Variants in NBEA observed in about 807,000 individuals in gnomAD.
The protein encoded by NBEA is lysosomal-trafficking regulator 2.
Under a neutral mutation model 343.4 loss-of-function variants are expected in NBEA, and 44 were observed. The ratio of observed to expected loss-of-function variants is 0.13; its 90% CI spans 0.10 to 0.16. The LOEUF is 0.16. NBEA is among the 10% of genes least tolerant of loss of function. The probability of loss-of-function intolerance (pLI) is 1.00; values close to 1 mark genes in which losing one functional copy is unlikely to be tolerated. For synonymous variants in NBEA, 1,175 were observed against 1,238.7 expected (o/e 0.95, Z 1.08); for missense variants, 2,555 against 3,631.3 (o/e 0.70, Z 7.62).
chr13:35,536,443 C>G (rs1311816848), intron 41 of NBEA, among the ~76,000 whole-genome samples: 1 of 151,732 alleles, frequency 6.6e-6, no homozygotes, highest in Admixed American at 6.6e-5. Context: ...ATAGACTTTA[C>G]TTTTTTAGAA....
intron 48 of NBEA, among the ~76,000 whole-genome samples, chr13:35,625,151 C>G (rs1029025009): frequency 6.6e-6 from 1 of 152,100 alleles, no homozygotes; most frequent in Non-Finnish European, 1.5e-5. Flanking sequence ...ATATATTTAT[C>G]TCTATAATTC....
At chr13:35,233,444 G>C (rs1304232385) in intron 34 of NBEA, among the ~76,000 whole-genome samples, 1 of 152,086 alleles carries the variant, frequency 6.6e-6, no homozygotes, top group African/African-American at 2.4e-5. Context: ...CTCGGCATCT[G>C]GGAGCTGACT....
At chr13:35,535,625 A>G (rs533012381) in intron 41 of NBEA, among the ~76,000 whole-genome samples, 1 of 152,236 alleles carries the variant, frequency 6.6e-6, no homozygotes, top group Admixed American at 6.5e-5. Flanking sequence ...CCCACTTGAT[A>G]CTTGCTGTGT....
intron 34 of NBEA, among the ~76,000 whole-genome samples, chr13:35,275,864 G>T (rs917366254): frequency 3.3e-5 from 5 of 151,734 alleles, no homozygotes; most frequent in Non-Finnish European, 5.9e-5. Flanking sequence ...AACAGATCCT[G>T]GGGGGAGGGA....
At chr13:35,363,414 C>A (rs2040923292) in intron 38 of NBEA, among the ~76,000 whole-genome samples, 1 of 151,792 alleles carries the variant, frequency 6.6e-6, no homozygotes, top group South Asian at 2.1e-4. Context: ...AGTAAATGTA[C>A]CCTATCACTT....
chr13:34,958,331 A>G (rs1446832224), intron 1 of NBEA, among the ~76,000 whole-genome samples: 1 of 152,022 alleles, frequency 6.6e-6, no homozygotes, highest in Admixed American at 6.6e-5. Context: ...CTTGTCCTTT[A>G]TCTTTGGAGC....
At chr13:35,357,017 T>C in intron 38 of NBEA, among the ~76,000 whole-genome samples, 1 of 152,208 alleles carries the variant, frequency 6.6e-6, no homozygotes, top group Non-Finnish European at 1.5e-5. Flanking sequence ...TAACTATTTT[T>C]TTACCTGATA....
At chr13:35,016,644 CAG>C (rs2061670224) in intron 1 of NBEA, among the ~76,000 whole-genome samples, 2 of 151,532 alleles carry the variant, frequency 1.3e-5, no homozygotes, top group South Asian at 2.1e-4. Flanking sequence ...TAATTTGAGA[CAG>C]ATTGTATACA....
intron 25 of NBEA, among the ~76,000 whole-genome samples, chr13:35,170,282 C>T (rs1021124382): frequency 6.6e-6 from 1 of 151,770 alleles, no homozygotes. Context: ...ATACCTATTA[C>T]ATATGCTAAC....
intron 11 of NBEA, among the ~76,000 whole-genome samples, chr13:35,098,955 G>A (rs1217537250): frequency 6.6e-6 from 1 of 151,436 alleles, no homozygotes. Context: ...TCCACTAGGG[G>A]TCTTGGAACT....
At chr13:35,649,588 C>T in intron 51 of NBEA, 67 bp from the exon 52 acceptor site, 1 of 1,364,408 alleles carries the variant, frequency 7.3e-7, no homozygotes, top group Non-Finnish European at 1.0e-6. Context: ...CTCATTCTCC[C>T]TAGACCTTTC....
chr13:35,484,265 T>C (rs935442045), intron 41 of NBEA, among the ~76,000 whole-genome samples: 148 of 137,468 alleles, frequency 1.1e-3, no homozygotes, highest in African/African-American at 4.1e-3. Flanking sequence ...TGTGTGTGTG[T>C]GTGTGTGTGT....
Position 35,164,379 on chromosome 13 carries a change from AT to A in NBEA, c.4107del (p.Phe1369LeufsTer22). The A allele has an allele frequency of 6.3e-7, 1 of 1,584,676 alleles. No homozygotes were observed. Among genetic ancestry groups the A allele is most frequent in the South Asian group, 1.1e-5 (1 of 87,348 alleles). ...WRSHSTKSVM[D>X]FVNSNENIIF... ...AGCCATTCTACAAAGTCTGTAATGG[AT>A]TTTGTCAATAGCAATGAAAATATTA... On this transcript the variant is annotated frameshift_variant, in exon 24 of 59. Coordinates refer to ENST00000379939, the MANE Select transcript of NBEA (RefSeq NM_001385012.1). LOFTEE classifies it high-confidence loss of function.
chr13:35,558,605 G>T (rs138015381), intron 44 of NBEA, among the ~76,000 whole-genome samples: 70 of 152,274 alleles, frequency 4.6e-4, no homozygotes, highest in African/African-American at 1.5e-3. Flanking sequence ...TCAAAGTGTA[G>T]TCCCCTGACC....
chr13:35,150,029 C>T (rs1381053153), intron 18 of NBEA, among the ~76,000 whole-genome samples: 1 of 152,114 alleles, frequency 6.6e-6, no homozygotes, highest in Non-Finnish European at 1.5e-5. Flanking sequence ...ATTGCTGGTC[C>T]TGTGTCTTAG....
chr13:35,020,822 C>G (rs2061812475), intron 1 of NBEA, among the ~76,000 whole-genome samples: 1 of 151,914 alleles, frequency 6.6e-6, no homozygotes, highest in South Asian at 2.1e-4. Context: ...CCTGGCAAAT[C>G]TTCTATATTC....
At chr13:35,200,565 G>GT (rs1438936556) in intron 31 of NBEA, among the ~76,000 whole-genome samples, 1 of 151,176 alleles carries the variant, frequency 6.6e-6, no homozygotes, top group Non-Finnish European at 1.5e-5. Flanking sequence ...GCTTATAGTT[G>GT]TGTTGCTTCT....
At chr13:35,565,955 G>A (rs1302973346) in intron 44 of NBEA, among the ~76,000 whole-genome samples, 1 of 152,134 alleles carries the variant, frequency 6.6e-6, no homozygotes, top group Non-Finnish European at 1.5e-5. Flanking sequence ...TCTCATCCTA[G>A]CTTCAGAGTA....
At chr13:35,343,566 C>T (rs986228942) in intron 36 of NBEA, among the ~76,000 whole-genome samples, 1 of 152,040 alleles carries the variant, frequency 6.6e-6, no homozygotes, top group African/African-American at 2.4e-5. Context: ...AGCACAGTAG[C>T]GGGTGAATGA....
Sources: gnomAD v4.1 joint callset for allele counts (sites outside exome capture counted in the v4.1 genomes callset) on GRCh38, gnomAD v4.1.1 for gene constraint, MANE v1.5 for transcripts, NCBI Gene and HGNC (gene_info 2026-07-23, HGNC 2026-07-21) for gene names.